Variants in FRMD6 observed in about 807,000 individuals in gnomAD.
FRMD6 encodes the protein FERM domain containing 6, also known as FERM domain-containing protein 6.
In FRMD6, 37 loss-of-function variants were observed where a neutral mutation model predicts 73.2. That is an observed-to-expected ratio of 0.51 (90% confidence interval 0.39 to 0.66). FRMD6 has a LOEUF of 0.66. Among genes scored for constraint, FRMD6 ranks in the 30% least tolerant of loss-of-function variants. The pLI is 0.00. For missense variants in FRMD6, 714 were observed against 780.5 expected (o/e 0.91, Z 1.02); for synonymous variants, 273 against 282.2 (o/e 0.97, Z 0.33).
intron 1 of FRMD6, among the ~76,000 whole-genome samples, chr14:51,668,727 C>G (rs1233306442): frequency 6.6e-6 from 1 of 152,006 alleles, no homozygotes; most frequent in Non-Finnish European, 1.5e-5. Flanking sequence ...AGTGCAGTGC[C>G]ATAGTCTTGG....
intron 2 of FRMD6, among the ~76,000 whole-genome samples, chr14:51,610,791 A>G (rs995732239): frequency 3.3e-5 from 5 of 152,230 alleles, no homozygotes; most frequent in Admixed American, 2.0e-4. Flanking sequence ...AACATTCTTC[A>G]GGACTTGGAG....
intron 1 of FRMD6, among the ~76,000 whole-genome samples, chr14:51,500,285 T>C (rs1181074887): frequency 1.3e-5 from 2 of 152,200 alleles, no homozygotes; most frequent in East Asian, 3.9e-4. Context: ...TTCCAGCACT[T>C]TGAGGGTCCA....
At chr14:51,717,448 C>G (rs896802242) in intron 10 of FRMD6, 13 of 152,142 alleles carry the variant, frequency 8.5e-5, no homozygotes, top group African/African-American at 2.9e-4. Context: ...CTCTCATGAT[C>G]TAATCATCTC....
the FRMD6 span, among the ~76,000 whole-genome samples, chr14:51,402,510 G>T: frequency 6.6e-6 from 1 of 152,242 alleles, no homozygotes; most frequent in East Asian, 1.9e-4. Context: ...TGCCATCCAC[G>T]TAAGATATGA....
intron 1 of FRMD6, among the ~76,000 whole-genome samples, chr14:51,663,532 C>G (rs1248565626): frequency 6.6e-6 from 1 of 152,162 alleles, no homozygotes; most frequent in African/African-American, 2.4e-5. Flanking sequence ...ACTGCATGTT[C>G]TCACTTATGT....
the FRMD6 span, among the ~76,000 whole-genome samples, chr14:51,461,094 T>A: frequency 6.6e-6 from 1 of 152,220 alleles, no homozygotes; most frequent in Non-Finnish European, 1.5e-5. Flanking sequence ...ACTACAGACA[T>A]GTGTACTTGA....
chr14:51,463,313 A>G, the FRMD6 span, among the ~76,000 whole-genome samples: 5 of 152,216 alleles, frequency 3.3e-5, no homozygotes, highest in African/African-American at 9.6e-5. Flanking sequence ...GTATTTGCAT[A>G]TTACCTATGC....
intron 2 of FRMD6, among the ~76,000 whole-genome samples, chr14:51,596,665 C>G (rs1281506680): frequency 2.0e-5 from 3 of 152,130 alleles, no homozygotes; most frequent in Non-Finnish European, 4.4e-5. Context: ...CATGGTTAAG[C>G]AGTGACGCTT....
intron 2 of FRMD6, among the ~76,000 whole-genome samples, chr14:51,583,229 G>C (rs1484642557): frequency 6.6e-6 from 1 of 152,110 alleles, no homozygotes; most frequent in African/African-American, 2.4e-5. Context: ...CTCTTTATTT[G>C]CCGAACTAAA....
At chr14:51,674,009 T>C (rs561282174) in intron 1 of FRMD6, among the ~76,000 whole-genome samples, 1 of 152,336 alleles carries the variant, frequency 6.6e-6, no homozygotes, top group South Asian at 2.1e-4. Flanking sequence ...CGACTTTTAC[T>C]CTTGGAGAAA....
intron 1 of FRMD6, among the ~76,000 whole-genome samples, chr14:51,520,213 A>G (rs1365480707): frequency 6.6e-6 from 1 of 152,194 alleles, no homozygotes; most frequent in Non-Finnish European, 1.5e-5. Flanking sequence ...GCCAAAAAAC[A>G]CATGAGAAAA....
intron 1 of FRMD6, among the ~76,000 whole-genome samples, chr14:51,512,611 T>C (rs1227862773): frequency 2.0e-5 from 3 of 151,806 alleles, no homozygotes; most frequent in African/African-American, 7.3e-5. Flanking sequence ...GTAATGTTTC[T>C]TTCTCTTTTT....
chr14:51,576,541 G>A (rs1164055508), intron 2 of FRMD6, among the ~76,000 whole-genome samples: 2 of 152,076 alleles, frequency 1.3e-5, no homozygotes, highest in African/African-American at 2.4e-5. Context: ...ACTTCAATAT[G>A]CGACCTCCTT....
intron 2 of FRMD6, among the ~76,000 whole-genome samples, chr14:51,622,105 C>T (rs1890948237): frequency 1.3e-5 from 2 of 152,290 alleles, no homozygotes; most frequent in South Asian, 4.1e-4. Context: ...AGCTTCAGGT[C>T]CCTCACTTGC....
chr14:51,725,644 A>G (rs753315026), intron 12 of FRMD6, 135 bp from the exon 13 acceptor site: 7 of 625,570 alleles, frequency 1.1e-5, no homozygotes, highest in Non-Finnish European at 2.0e-5. Flanking sequence ...TCTGCCACCA[A>G]AGAGTCACAG....
At chr14:51,443,656 C>G in the FRMD6 span, among the ~76,000 whole-genome samples, 1 of 152,158 alleles carries the variant, frequency 6.6e-6, no homozygotes, top group Non-Finnish European at 1.5e-5. Flanking sequence ...GGGGTTTGTG[C>G]CATACTCTTC....
intron 1 of FRMD6, among the ~76,000 whole-genome samples, chr14:51,556,886 C>A (rs572595063): frequency 1.3e-5 from 2 of 152,282 alleles, no homozygotes; most frequent in African/African-American, 4.8e-5. Flanking sequence ...AAATCTCTGA[C>A]CTTTATTCTA....
intron 1 of FRMD6, among the ~76,000 whole-genome samples, chr14:51,684,479 G>A (rs1895018218): frequency 1.3e-5 from 2 of 152,178 alleles, no homozygotes; most frequent in South Asian, 2.1e-4. Flanking sequence ...TGGAAAATAT[G>A]TATTTAGTAA....
chr14:51,547,308 C>T (rs1886527031), intron 1 of FRMD6, among the ~76,000 whole-genome samples: 1 of 152,170 alleles, frequency 6.6e-6, no homozygotes, highest in African/African-American at 2.4e-5. Flanking sequence ...TGTAAAGTAT[C>T]AAGCTCTGTA....
Sources: gnomAD v4.1 joint callset for allele counts (sites outside exome capture counted in the v4.1 genomes callset) on GRCh38, gnomAD v4.1.1 for gene constraint, MANE v1.5 for transcripts, NCBI Gene and HGNC (gene_info 2026-07-23, HGNC 2026-07-21) for gene names.